GULP1: variants seen among roughly 807,000 people sequenced by gnomAD.
The protein encoded by GULP1 is GULP PTB domain containing engulfment adaptor 1.
Under a neutral mutation model 40.9 loss-of-function variants are expected in GULP1, and 19 were observed. The ratio of observed to expected loss-of-function variants is 0.46; its 90% CI spans 0.32 to 0.68. The LOEUF is 0.68. Among genes scored for constraint, GULP1 ranks in the 30% least tolerant of loss-of-function variants. The pLI, the probability that GULP1 is intolerant of heterozygous loss-of-function variation, is 0.03. For missense variants in GULP1, 312 were observed against 362.2 expected (o/e 0.86, Z 1.12); for synonymous variants, 119 against 117.6 (o/e 1.01, Z -0.08).
At chr2:188,545,068 A>G (rs1691542196) in intron 7 of GULP1, among the ~76,000 whole-genome samples, 1 of 152,070 alleles carries the variant, frequency 6.6e-6, no homozygotes, top group Non-Finnish European at 1.5e-5. Flanking sequence ...GGCAAGAAGG[A>G]AGTTGCATAA....
At chr2:188,331,717 A>T (rs1474955286) in intron 1 of GULP1, among the ~76,000 whole-genome samples, 1 of 152,210 alleles carries the variant, frequency 6.6e-6, no homozygotes, top group African/African-American at 2.4e-5. Flanking sequence ...TTAGGAGGAT[A>T]TCCTCAAAAT....
intron 2 of GULP1, among the ~76,000 whole-genome samples, chr2:188,417,913 C>G (rs1005908293): frequency 3.3e-5 from 5 of 152,122 alleles, no homozygotes; most frequent in African/African-American, 1.2e-4. Flanking sequence ...ACCTCAGCCT[C>G]TCAAGTAGCT....
At chr2:188,382,144 C>T (rs2152500350) in intron 1 of GULP1, among the ~76,000 whole-genome samples, 1 of 152,268 alleles carries the variant, frequency 6.6e-6, no homozygotes, top group South Asian at 2.1e-4. Context: ...GGCAAAATTT[C>T]TAATGCTTAT....
chr2:188,379,271 C>T (rs979956433), intron 1 of GULP1, among the ~76,000 whole-genome samples: 3 of 152,040 alleles, frequency 2.0e-5, no homozygotes, highest in South Asian at 2.1e-4. Flanking sequence ...ATGTCTCATC[C>T]GCTATCGCTT....
At chr2:188,427,445 A>G (rs918299187) in intron 2 of GULP1, among the ~76,000 whole-genome samples, 3 of 152,222 alleles carry the variant, frequency 2.0e-5, no homozygotes, top group Non-Finnish European at 4.4e-5. Flanking sequence ...CATTACAGGC[A>G]TGGGGACCTA....
intron 2 of GULP1, among the ~76,000 whole-genome samples, chr2:188,476,422 C>A (rs1313406537): frequency 1.3e-5 from 2 of 152,092 alleles, no homozygotes; most frequent in East Asian, 3.9e-4. Context: ...AATTCAGTTA[C>A]TGTCTTGTCA....
intron 1 of GULP1, among the ~76,000 whole-genome samples, chr2:188,342,644 C>T (rs2043126199): frequency 1.3e-5 from 2 of 152,136 alleles, no homozygotes; most frequent in Non-Finnish European, 2.9e-5. Flanking sequence ...ACTTGGGTTT[C>T]ATATCATCTC....
At chr2:188,438,501 A>C (rs549428004) in intron 2 of GULP1, among the ~76,000 whole-genome samples, 46 of 151,052 alleles carry the variant, frequency 3.0e-4, no homozygotes, top group Non-Finnish European at 5.6e-4. Flanking sequence ...TATTAATATA[A>C]TTATTCTATT....
At chr2:188,308,655 AAGACTTACTG>A (rs2037547362) in intron 1 of GULP1, among the ~76,000 whole-genome samples, 1 of 152,140 alleles carries the variant, frequency 6.6e-6, no homozygotes, top group Non-Finnish European at 1.5e-5. Context: ...TGAGTTATTA[AAGACTTACTG>A]AGGTGCAGAT....
At chr2:188,482,725 A>C (rs959332353) in intron 3 of GULP1, among the ~76,000 whole-genome samples, 1 of 151,256 alleles carries the variant, frequency 6.6e-6, no homozygotes, top group Non-Finnish European at 1.5e-5. Context: ...TAAATAATAT[A>C]TAATACAATT....
intron 1 of GULP1, among the ~76,000 whole-genome samples, chr2:188,336,500 A>G (rs530587691): frequency 4.6e-5 from 7 of 152,340 alleles, no homozygotes; most frequent in Admixed American, 1.3e-4. Context: ...AGCTTTCATT[A>G]TGGCATATCA....
intron 7 of GULP1, among the ~76,000 whole-genome samples, chr2:188,550,744 C>G (rs956571663): frequency 6.6e-6 from 1 of 151,530 alleles, no homozygotes; most frequent in East Asian, 1.9e-4. Flanking sequence ...AGCCATATTT[C>G]ACGTTTGCTT....
intron 1 of GULP1, among the ~76,000 whole-genome samples, chr2:188,320,851 T>G (rs1481485732): frequency 6.6e-6 from 1 of 151,772 alleles, no homozygotes; most frequent in African/African-American, 2.4e-5. Flanking sequence ...CTATGTACTA[T>G]CTAGGATATG....
chr2:188,522,498 C>T (rs562554203), intron 4 of GULP1, among the ~76,000 whole-genome samples: 85 of 151,728 alleles, frequency 5.6e-4, no homozygotes, highest in African/African-American at 1.9e-3. Context: ...GTTTTCTTTC[C>T]AGTAAAAATC....
intron 2 of GULP1, among the ~76,000 whole-genome samples, chr2:188,453,456 G>A (rs985346511): frequency 3.9e-5 from 6 of 152,074 alleles, no homozygotes; most frequent in Non-Finnish European, 7.4e-5. Flanking sequence ...CCCTCTTGTA[G>A]GACCTGGGCT....
chr2:188,483,632 G>A, intron 4 of GULP1, 140 bp downstream of exon 4: 1 of 414,008 alleles, frequency 2.4e-6, no homozygotes, highest in Non-Finnish European at 4.4e-6. Flanking sequence ...AAATAATTGT[G>A]GCATGGGAAG....
At chr2:188,503,087 A>G (rs2063581795) in intron 4 of GULP1, among the ~76,000 whole-genome samples, 3 of 151,954 alleles carry the variant, frequency 2.0e-5, no homozygotes, top group Admixed American at 2.0e-4. Context: ...TCTGGAGATT[A>G]CACTTCAAAA....
chr2:188,421,767 A>G (rs1406027856), intron 2 of GULP1, among the ~76,000 whole-genome samples: 1 of 152,182 alleles, frequency 6.6e-6, no homozygotes, highest in Non-Finnish European at 1.5e-5. Flanking sequence ...TAATTTGGAA[A>G]GGAGCTTTAG....
At chr2:188,395,781 G>A (rs2051167918) in intron 2 of GULP1, among the ~76,000 whole-genome samples, 1 of 152,152 alleles carries the variant, frequency 6.6e-6, no homozygotes. Flanking sequence ...GGTTGGTGGT[G>A]GGGATATTTT....
Sources: gnomAD v4.1 joint callset for allele counts (sites outside exome capture counted in the v4.1 genomes callset) on GRCh38, gnomAD v4.1.1 for gene constraint, MANE v1.5 for transcripts, NCBI Gene and HGNC (gene_info 2026-07-23, HGNC 2026-07-21) for gene names.